The following SPIDR variants were observed in gnomAD, a reference collection of about 807,000 sequenced individuals.
The protein encoded by SPIDR is DNA repair-scaffolding protein.
SPIDR carries 93 observed loss-of-function variants against 104.6 expected under a neutral mutation model. That is an observed-to-expected ratio of 0.89 (90% CI 0.75 to 1.06). The LOEUF (loss-of-function observed/expected upper bound fraction) is 1.06, where lower values mean the gene tolerates loss of function less well. Ranked by LOEUF, SPIDR falls within the 50% of genes least tolerant of loss-of-function variation. The pLI, the probability that SPIDR is intolerant of heterozygous loss-of-function variation, is 0.00. For synonymous variants in SPIDR, 431 were observed against 416.9 expected (o/e 1.03, Z -0.41); for missense variants, 1,154 against 1,111.2 (o/e 1.04, Z -0.55).
At chr8:47,543,422 G>T (rs994469132) in intron 8 of SPIDR, among the ~76,000 whole-genome samples, 3 of 152,144 alleles carry the variant, frequency 2.0e-5, no homozygotes, top group Non-Finnish European at 4.4e-5. Flanking sequence ...GTCAACTGAA[G>T]AATCATGAGG....
chr8:47,532,708 T>A (rs2086226760), intron 8 of SPIDR, among the ~76,000 whole-genome samples: 1 of 152,234 alleles, frequency 6.6e-6, no homozygotes, highest in Admixed American at 6.5e-5. Context: ...AACACTCTTT[T>A]ATAAGTAATT....
At chr8:47,461,615 GT>G (rs1489363961) in intron 8 of SPIDR, among the ~76,000 whole-genome samples, 1 of 152,042 alleles carries the variant, frequency 6.6e-6, no homozygotes, top group Non-Finnish European at 1.5e-5. Flanking sequence ...CAGCCTGTTT[GT>G]TTTTTAATTA....
intron 16 of SPIDR, among the ~76,000 whole-genome samples, chr8:47,717,085 G>A (rs1176306222): frequency 1.3e-5 from 2 of 152,198 alleles, no homozygotes; most frequent in Non-Finnish European, 2.9e-5. Context: ...GTGTCCCTGA[G>A]CAGACCGGCT....
intron 8 of SPIDR, among the ~76,000 whole-genome samples, chr8:47,519,970 C>T (rs2083792250): frequency 1.3e-5 from 2 of 151,958 alleles, no homozygotes; most frequent in African/African-American, 4.8e-5. Flanking sequence ...AAAATTCTAC[C>T]TCTCGTCATT....
At chr8:47,349,757 G>T (rs1432195948) in intron 5 of SPIDR, among the ~76,000 whole-genome samples, 1 of 152,242 alleles carries the variant, frequency 6.6e-6, no homozygotes, top group Non-Finnish European at 1.5e-5. Context: ...AGGGTCCGTG[G>T]GCGTGGGACC....
chr8:47,279,767 G>C, intron 1 of SPIDR, 95 bp from the exon 2 acceptor site: 1 of 1,283,908 alleles, frequency 7.8e-7, no homozygotes, highest in Non-Finnish European at 1.1e-6. Context: ...GCCACTTCTA[G>C]GTTTTCAGAT....
intron 10 of SPIDR, among the ~76,000 whole-genome samples, chr8:47,606,765 G>T (rs1304848182): frequency 1.3e-5 from 2 of 152,210 alleles, no homozygotes; most frequent in Non-Finnish European, 2.9e-5. Context: ...GTGCTCACCT[G>T]CTGTGTCCTG....
chr8:47,694,932 T>C (rs569332787), intron 11 of SPIDR, among the ~76,000 whole-genome samples: 1 of 152,282 alleles, frequency 6.6e-6, no homozygotes, highest in Admixed American at 6.5e-5. Context: ...GATGACAACC[T>C]AAATAACATT....
intron 5 of SPIDR, among the ~76,000 whole-genome samples, chr8:47,314,916 A>G (rs2044997109): frequency 6.6e-6 from 1 of 152,220 alleles, no homozygotes; most frequent in Non-Finnish European, 1.5e-5. Context: ...AAAAATAATG[A>G]CACAGATAGA....
At chr8:47,348,086 T>C (rs1053424000) in intron 5 of SPIDR, among the ~76,000 whole-genome samples, 7 of 152,210 alleles carry the variant, frequency 4.6e-5, no homozygotes, top group African/African-American at 1.7e-4. Context: ...TGGCTGGTAC[T>C]GGTTGTTCCT....
chr8:47,552,400 G>T (rs947342348), intron 8 of SPIDR, among the ~76,000 whole-genome samples: 3 of 152,138 alleles, frequency 2.0e-5, no homozygotes, highest in Non-Finnish European at 4.4e-5. Flanking sequence ...TATTGTGTGG[G>T]AGTCTAAGTC....
intron 14 of SPIDR, among the ~76,000 whole-genome samples, chr8:47,707,593 A>T (rs2081270866): frequency 6.6e-6 from 1 of 152,170 alleles, no homozygotes; most frequent in African/African-American, 2.4e-5. Context: ...TTTAATTTTG[A>T]TGCAGTCAGA....
At chr8:47,496,810 A>ATGTTTGTTTGTT (rs56406549) in intron 8 of SPIDR, among the ~76,000 whole-genome samples, 22 of 146,060 alleles carry the variant, frequency 1.5e-4, no homozygotes, top group South Asian at 8.7e-4. Flanking sequence ...ATCTGGGCCT[A>ATGTTTGTTTGTT]TGTTTGTTTG....
At chr8:47,357,802 G>A (rs754638418) in intron 5 of SPIDR, 1,148 of 954,992 alleles carry the variant, frequency 1.2e-3, no homozygotes, top group Non-Finnish European at 1.4e-3. Context: ...AGGAAATGGA[G>A]AGGATATAAG....
chr8:47,691,762 C>T (rs2078687470), intron 11 of SPIDR, among the ~76,000 whole-genome samples: 1 of 152,232 alleles, frequency 6.6e-6, no homozygotes, highest in Non-Finnish European at 1.5e-5. Flanking sequence ...TCAAGACCCG[C>T]TCCTGTGGCT....
chr8:47,373,945 A>G (rs1288942423), intron 5 of SPIDR, among the ~76,000 whole-genome samples: 1 of 152,216 alleles, frequency 6.6e-6, no homozygotes, highest in Non-Finnish European at 1.5e-5. Context: ...CAGCCCTGGT[A>G]GGCATGTGTT....
intron 8 of SPIDR, among the ~76,000 whole-genome samples, chr8:47,554,254 G>A (rs968166526): frequency 3.3e-5 from 5 of 152,186 alleles, no homozygotes; most frequent in Non-Finnish European, 7.3e-5. Flanking sequence ...TCCGTGCTGG[G>A]AGAACCACTA....
At chr8:47,665,924 C>T (rs1438320761) in intron 10 of SPIDR, among the ~76,000 whole-genome samples, 1 of 152,152 alleles carries the variant, frequency 6.6e-6, no homozygotes, top group Non-Finnish European at 1.5e-5. Context: ...TTGGATAAAA[C>T]ATAAATTTTT....
intron 5 of SPIDR, among the ~76,000 whole-genome samples, chr8:47,343,442 G>A (rs2051172498): frequency 6.6e-6 from 1 of 152,132 alleles, no homozygotes; most frequent in African/African-American, 2.4e-5. Context: ...ACTGTGCACT[G>A]GTTACCAACT....
Sources: gnomAD v4.1 joint callset for allele counts (sites outside exome capture counted in the v4.1 genomes callset) on GRCh38, gnomAD v4.1.1 for gene constraint, MANE v1.5 for transcripts, NCBI Gene and HGNC (gene_info 2026-07-23, HGNC 2026-07-21) for gene names.